UBE3D: variants seen among roughly 807,000 people sequenced by gnomAD.
The protein encoded by UBE3D is E3 ubiquitin-protein ligase E3D.
UBE3D carries 48 observed loss-of-function variants against 49.6 expected under a neutral mutation model. The observed-to-expected ratio is 0.97, with a 90% CI of 0.77 to 1.23. The LOEUF is 1.23. UBE3D is among the 50% of genes most tolerant of loss of function. The probability of loss-of-function intolerance (pLI) is 0.00; values close to 1 mark genes in which losing one functional copy is unlikely to be tolerated. For synonymous variants in UBE3D, 189 were observed against 174.2 expected (o/e 1.08, Z -0.67); for missense variants, 452 against 468.4 (o/e 0.96, Z 0.32).
chr6:83,023,656 TCTC>T lies in UBE3D; in HGVS notation c.737+310_737+312del, dbSNP rs571227912. Among the ~76,000 whole-genome samples the T allele has an allele frequency of 6.7e-4, 102 of 152,274 alleles. 2 individuals carry two copies. The South Asian group carries it at 0.021, about 31-fold the overall frequency. ...GAATGGAAAACCAAACATCGTATGT[TCTC>T]CTTCATAAGTGGGAACGAAGCTATG... On this transcript the variant is annotated intron_variant, in intron 6 of 9. Coordinates refer to ENST00000369747, the MANE Select transcript of UBE3D (RefSeq NM_198920.3).
At chr6:83,062,184 G>A (rs1213150549) in intron 1 of UBE3D, among the ~76,000 whole-genome samples, 1 of 152,140 alleles carries the variant, frequency 6.6e-6, no homozygotes, top group Admixed American at 6.6e-5. Context: ...GTTCATGGCT[G>A]TATTCTCAGC....
chr6:82,941,010 C>G (rs1428448967), intron 9 of UBE3D, among the ~76,000 whole-genome samples: 1 of 152,066 alleles, frequency 6.6e-6, no homozygotes, highest in Non-Finnish European at 1.5e-5. Context: ...GTCAGGAGTT[C>G]AAGACGAGCC....
chr6:82,996,082 C>T (rs946729480), intron 8 of UBE3D, among the ~76,000 whole-genome samples: 4 of 151,876 alleles, frequency 2.6e-5, no homozygotes, highest in African/African-American at 9.7e-5. Flanking sequence ...CAAAAAACAA[C>T]AGTAGTAGGG....
chr6:83,006,236 A>C (rs1779970156), intron 8 of UBE3D, among the ~76,000 whole-genome samples: 1 of 152,060 alleles, frequency 6.6e-6, no homozygotes, highest in South Asian at 2.1e-4. Context: ...AAAAACAAAC[A>C]AACAAAAAAA....
intron 8 of UBE3D, among the ~76,000 whole-genome samples, chr6:82,996,311 AAAATAAATAAATAAATAAAT>A (rs148895876): frequency 0.14 from 21,286 of 148,610 alleles, 1,627 homozygotes; most frequent in African/African-American, 0.17. Flanking sequence ...TTTGAGCAAC[AAAATAAATAAATAAATAAAT>A]AAATAAATAA....
At chr6:83,058,078 A>G in intron 1 of UBE3D, 56 bp from the exon 2 acceptor site, 1 of 1,571,060 alleles carries the variant, frequency 6.4e-7, no homozygotes, top group East Asian at 2.3e-5. Context: ...AAACCACATG[A>G]TGAAAGAAAC....
At chr6:82,924,052 T>TC (rs1773561197) in intron 9 of UBE3D, among the ~76,000 whole-genome samples, 1 of 151,920 alleles carries the variant, frequency 6.6e-6, no homozygotes, top group Non-Finnish European at 1.5e-5. Context: ...CTTTTTTTTT[T>TC]CTTAAGCAGA....
In UBE3D at chr6:82,957,467, C is replaced by A; in HGVS notation, c.1011-17G>T. 1 of 1,591,360 alleles carries A rather than the reference C, an allele frequency of 6.3e-7. No individual in the cohort carries two copies. Among genetic ancestry groups the A allele is most frequent in the Admixed American group, 1.8e-5 (1 of 54,602 alleles). On this transcript the variant is annotated splice_polypyrimidine_tract_variant and intron_variant, in intron 8 of 9. Transcript: ENST00000369747. ...CTGACAAGTCTGGAACACACCAACA[C>A]ATTAACTTTCAAAAATGCATTATCA...
chr6:83,039,339 G>A (rs1782484394), intron 4 of UBE3D, among the ~76,000 whole-genome samples: 1 of 152,206 alleles, frequency 6.6e-6, no homozygotes, highest in Non-Finnish European at 1.5e-5. Context: ...GACTTCTGAT[G>A]TGGGATAATA....
At chr6:82,955,448 T>G (rs554372827) in intron 9 of UBE3D, among the ~76,000 whole-genome samples, 1 of 151,942 alleles carries the variant, frequency 6.6e-6, no homozygotes, top group South Asian at 2.1e-4. Flanking sequence ...AGGGAAGGAG[T>G]GAAATATAAA....
intron 8 of UBE3D, among the ~76,000 whole-genome samples, chr6:83,010,521 A>G (rs575357435): frequency 6.6e-6 from 1 of 152,362 alleles, no homozygotes; most frequent in East Asian, 1.9e-4. Context: ...ATATAGCAAT[A>G]TTAACCATCA....
chr6:82,922,837 CAGAATCTACAA>C (rs1400859447), intron 9 of UBE3D, among the ~76,000 whole-genome samples: 1 of 152,102 alleles, frequency 6.6e-6, no homozygotes, highest in African/African-American at 2.4e-5. Flanking sequence ...GGCTAATATC[CAGAATCTACAA>C]AGAAGGTAAA....
intron 8 of UBE3D, among the ~76,000 whole-genome samples, chr6:82,993,963 G>A (rs905819991): frequency 2.6e-5 from 4 of 152,132 alleles, no homozygotes; most frequent in African/African-American, 9.7e-5. Flanking sequence ...CAAACTCTGT[G>A]ATAAAATTAG....
chr6:83,002,473 T>C (rs1779698481), intron 8 of UBE3D, among the ~76,000 whole-genome samples: 1 of 152,016 alleles, frequency 6.6e-6, no homozygotes. Flanking sequence ...TCACCTGAGG[T>C]CAGAAGTTCG....
rs190760406 is a variant in UBE3D, at chr6:83,022,661, T to A, written c.738-100A>T. 10 of 706,078 alleles carry A rather than the reference T, an allele frequency of 1.4e-5. No individual in the cohort carries two copies. The African/African-American group carries it at 1.9e-4, about 13-fold the overall frequency. 43.7% of individuals were successfully genotyped at this position (706,078 alleles called of 1,614,324 possible). On this transcript the variant is annotated intron_variant, in intron 6 of 9. Transcript: ENST00000369747. ...ACACACGGTACCTAAAAGGCAGACA[T>A]ATCCACATGCCAGACTTTTCTACGG... is the stretch of plus-strand genomic sequence containing the variant.
intron 9 of UBE3D, among the ~76,000 whole-genome samples, chr6:82,926,683 T>A (rs1028436734): frequency 1.1e-4 from 17 of 152,092 alleles, no homozygotes; most frequent in African/African-American, 4.1e-4. Flanking sequence ...CCTGATGACA[T>A]GTGATGTGTA....
At chr6:82,894,929 T>C (rs542108372) in intron 9 of UBE3D, among the ~76,000 whole-genome samples, 43 of 151,654 alleles carry the variant, frequency 2.8e-4, no homozygotes, top group Non-Finnish European at 5.0e-4. Flanking sequence ...TTTATCTCTT[T>C]TGTAATTCTG....
At chr6:82,994,761 AG>A (rs1280135276) in intron 8 of UBE3D, among the ~76,000 whole-genome samples, 2 of 152,212 alleles carry the variant, frequency 1.3e-5, no homozygotes, top group African/African-American at 4.8e-5. Context: ...GACAAACTTT[AG>A]GTTTTGAGTC....
chr6:82,945,801 A>G (rs1367620909), intron 9 of UBE3D, among the ~76,000 whole-genome samples: 1 of 152,234 alleles, frequency 6.6e-6, no homozygotes, highest in Non-Finnish European at 1.5e-5. Flanking sequence ...GTTATCAGAT[A>G]AATTTAACAA....
Sources: gnomAD v4.1 joint callset for allele counts (sites outside exome capture counted in the v4.1 genomes callset) on GRCh38, gnomAD v4.1.1 for gene constraint, MANE v1.5 for transcripts, NCBI Gene and HGNC (gene_info 2026-07-23, HGNC 2026-07-21) for gene names.